The following SLC24A2 variants were observed in gnomAD, a reference collection of about 807,000 sequenced individuals.
The protein encoded by SLC24A2 is solute carrier family 24 member 2.
Under a neutral mutation model 62.0 loss-of-function variants are expected in SLC24A2, and 36 were observed. That is an observed-to-expected ratio of 0.58 (90% CI 0.44 to 0.77). SLC24A2 has a LOEUF of 0.77. Among genes scored for constraint, SLC24A2 ranks in the 30% least tolerant of loss-of-function variants. SLC24A2 has a pLI of 0.00. For missense variants in SLC24A2, 846 were observed against 817.9 expected (o/e 1.03, Z -0.42); for synonymous variants, 358 against 294.0 (o/e 1.22, Z -2.23).
At chr9:19,955,073 A>G in the SLC24A2 span, among the ~76,000 whole-genome samples, 3,054 of 152,236 alleles carry the variant, frequency 0.02, 94 homozygotes, top group African/African-American at 0.07. Context: ...ACTTTAATCA[A>G]TTCTAAGATA....
intron 7 of SLC24A2, among the ~76,000 whole-genome samples, chr9:19,572,659 T>C (rs958495972): frequency 6.6e-6 from 1 of 152,228 alleles, no homozygotes; most frequent in African/African-American, 2.4e-5. Context: ...CAATTAAACC[T>C]CTTTTCTTCA....
At chr9:20,243,099 A>G in the SLC24A2 span, among the ~76,000 whole-genome samples, 1 of 152,340 alleles carries the variant, frequency 6.6e-6, no homozygotes, top group East Asian at 1.9e-4. Context: ...CTCCTTGGTT[A>G]CAGACGAAAG....
rs762076720 is a variant in SLC24A2 at position 19,597,261 on chromosome 9, T to G, written c.1097A>C (p.Lys366Thr). The G allele has an allele frequency of 1.9e-6, 3 of 1,585,878 alleles. No homozygotes were observed. The South Asian group carries it at 3.3e-5, about 18-fold the overall frequency. Residue 366 changes from lysine to threonine, a missense_variant, in exon 5 of 11, where the codon AAA (lysine) becomes ACA (threonine). Lys to Thr is a moderately conservative substitution (Grantham distance 78). Coordinates refer to ENST00000341998, the MANE Select transcript of SLC24A2 (RefSeq NM_020344.4). ...PLAEELGSYG[K>T]LKYYDTMTEE... ...AGTCATTGTGTCATAATATTTTAGTTTTCCATATGATCCAAGTTCTACAAC... is the reference window on the plus strand; with the variant it reads ...AGTCATTGTGTCATAATATTTTAGTGTTCCATATGATCCAAGTTCTACAAC...
Position 19,508,795 on chromosome 9 carries a change from TAAA to T in SLC24A2, c.*7355_*7357del, listed in dbSNP as rs34282856. 6.6e-6 allele frequency: 1 copy of T among 150,660 alleles called. No homozygotes were observed. The highest frequency in any genetic ancestry group is 2.1e-4 in the South Asian group (1 of 4,748). The allele number at this position is 150,660 out of a possible 1,614,324, so 9.3% of individuals were successfully genotyped here. A position where few individuals can be genotyped will look rare whatever the true frequency, so the allele number is the denominator to read the frequency against. ...GGTGACAGAGCAAGACCCTGTCTGT[TAAA>T]AAAAAAATTATATAAAAATTTGTGA... On this transcript the variant is annotated 3_prime_UTR_variant, in exon 11 of 11. Coordinates refer to ENST00000341998, the MANE Select transcript of SLC24A2 (RefSeq NM_020344.4).
the SLC24A2 span, among the ~76,000 whole-genome samples, chr9:20,102,872 C>T: frequency 9.2e-5 from 14 of 151,452 alleles, no homozygotes; most frequent in African/African-American, 1.9e-4. Flanking sequence ...GTGCACCGTG[C>T]GCCAGCAGAA....
intron 4 of SLC24A2, among the ~76,000 whole-genome samples, chr9:19,602,206 G>A (rs1030078610): frequency 4.6e-5 from 7 of 152,136 alleles, no homozygotes; most frequent in African/African-American, 7.2e-5. Context: ...ATTCTAGTAC[G>A]TCCCTCAATA....
At chr9:19,710,409 G>A (rs141861814) in intron 2 of SLC24A2, among the ~76,000 whole-genome samples, 1 of 152,138 alleles carries the variant, frequency 6.6e-6, no homozygotes, top group East Asian at 1.9e-4. Context: ...GCCCTATCAG[G>A]GGGGTGGTGG....
chr9:19,730,246 T>G (rs927572874), intron 2 of SLC24A2, among the ~76,000 whole-genome samples: 1 of 152,146 alleles, frequency 6.6e-6, no homozygotes, highest in African/African-American at 2.4e-5. Context: ...ATGTGAAAAT[T>G]TATCTTGAAG....
At chr9:19,542,995 G>A (rs200885236) in intron 8 of SLC24A2, among the ~76,000 whole-genome samples, 1 of 152,120 alleles carries the variant, frequency 6.6e-6, no homozygotes, top group Non-Finnish European at 1.5e-5. Context: ...TGTTTGAAAT[G>A]GTTTCAGAAG....
intron 2 of SLC24A2, among the ~76,000 whole-genome samples, chr9:19,661,262 C>G (rs546663056): frequency 6.6e-6 from 1 of 152,124 alleles, no homozygotes; most frequent in East Asian, 1.9e-4. Context: ...TATCTATTCC[C>G]ATATTAACAT....
intron 4 of SLC24A2, among the ~76,000 whole-genome samples, chr9:19,611,866 A>G (rs62562869): frequency 3.9e-5 from 6 of 152,120 alleles, no homozygotes; most frequent in Non-Finnish European, 8.8e-5. Context: ...GTCCTGGGAA[A>G]ATAGATTTCC....
chr9:20,084,460 C>T, the SLC24A2 span, among the ~76,000 whole-genome samples: 1 of 151,612 alleles, frequency 6.6e-6, no homozygotes, highest in Non-Finnish European at 1.5e-5. Flanking sequence ...CCTTCCTTTC[C>T]TTCCTTCTTT....
At chr9:19,824,630 G>T in the SLC24A2 span, among the ~76,000 whole-genome samples, 1 of 152,192 alleles carries the variant, frequency 6.6e-6, no homozygotes, top group East Asian at 1.9e-4. Context: ...CAAGGATCTG[G>T]AACTAGAAAT....
At chr9:19,777,832 TTTTC>T (rs1822889668) in intron 2 of SLC24A2, among the ~76,000 whole-genome samples, 1 of 152,138 alleles carries the variant, frequency 6.6e-6, no homozygotes, top group Non-Finnish European at 1.5e-5. Context: ...CTGTTCAAAA[TTTTC>T]TTTTTTATAT....
At chr9:19,518,525 G>C (rs1291029356) in intron 10 of SLC24A2, among the ~76,000 whole-genome samples, 1 of 151,366 alleles carries the variant, frequency 6.6e-6, no homozygotes, top group Non-Finnish European at 1.5e-5. Context: ...GGGTTCAAGC[G>C]ATTCTCCTGC....
the SLC24A2 span, among the ~76,000 whole-genome samples, chr9:19,966,322 T>A: frequency 2.0e-5 from 3 of 152,204 alleles, no homozygotes; most frequent in Non-Finnish European, 2.9e-5. Flanking sequence ...CGTGTGTGCA[T>A]GCCCATAATA....
At chr9:19,607,784 C>A (rs1484957577) in intron 4 of SLC24A2, among the ~76,000 whole-genome samples, 1 of 150,858 alleles carries the variant, frequency 6.6e-6, no homozygotes, top group African/African-American at 2.4e-5. Context: ...GCTTCAAAGC[C>A]AACCTTTTCA....
the SLC24A2 span, among the ~76,000 whole-genome samples, chr9:20,083,641 TATG>T: frequency 6.6e-6 from 1 of 152,250 alleles, no homozygotes; most frequent in African/African-American, 2.4e-5. Context: ...TAGATTATTT[TATG>T]ATAACACAGT....
the SLC24A2 span, among the ~76,000 whole-genome samples, chr9:20,184,203 A>T: frequency 6.6e-6 from 1 of 152,258 alleles, no homozygotes; most frequent in African/African-American, 2.4e-5. Context: ...AATGGAAATT[A>T]AAACTACAAT....
Sources: gnomAD v4.1 joint callset for allele counts (sites outside exome capture counted in the v4.1 genomes callset) on GRCh38, gnomAD v4.1.1 for gene constraint, MANE v1.5 for transcripts, NCBI Gene and HGNC (gene_info 2026-07-23, HGNC 2026-07-21) for gene names.